Variants in DLG2 observed in about 807,000 individuals in gnomAD.
DLG2 encodes disks large homolog 2.
DLG2 carries 45 observed loss-of-function variants against 132.5 expected under a neutral mutation model. That is an observed-to-expected ratio of 0.34 (90% CI 0.27 to 0.44). The LOEUF (loss-of-function observed/expected upper bound fraction) is 0.44, where lower values mean the gene tolerates loss of function less well. Among genes scored for constraint, DLG2 ranks in the 20% least tolerant of loss-of-function variants. DLG2 has a pLI of 1.00. For missense variants in DLG2, 1,045 were observed against 1,196.9 expected (o/e 0.87, Z 1.87); for synonymous variants, 424 against 419.6 (o/e 1.01, Z -0.13).
intron 7 of DLG2, among the ~76,000 whole-genome samples, chr11:84,521,041 T>C (rs1035344243): frequency 6.6e-6 from 1 of 152,226 alleles, no homozygotes; most frequent in Non-Finnish European, 1.5e-5. Flanking sequence ...ATTTACATTT[T>C]CTTTTTACAA....
intron 7 of DLG2, among the ~76,000 whole-genome samples, chr11:84,520,342 C>A (rs1172962177): frequency 6.6e-6 from 1 of 152,284 alleles, no homozygotes; most frequent in East Asian, 1.9e-4. Context: ...TCCCATTTGA[C>A]ATGGTTTTAA....
At chr11:84,711,248 C>A (rs2060378217) in intron 6 of DLG2, among the ~76,000 whole-genome samples, 1 of 148,918 alleles carries the variant, frequency 6.7e-6, no homozygotes, top group Admixed American at 6.8e-5. Context: ...ACAAGAATGG[C>A]CAATTAGTGA....
chr11:84,884,119 T>G (rs2087824053), intron 6 of DLG2, among the ~76,000 whole-genome samples: 1 of 152,066 alleles, frequency 6.6e-6, no homozygotes, highest in Non-Finnish European at 1.5e-5. Context: ...TCACCCAAAG[T>G]CAAAACACAA....
At chr11:84,166,300 G>C (rs1034693503) in intron 8 of DLG2, among the ~76,000 whole-genome samples, 7 of 151,972 alleles carry the variant, frequency 4.6e-5, no homozygotes, top group Middle Eastern at 3.2e-3. Context: ...TCAGGAGATC[G>C]ATAACATCCT....
Position 84,395,350 on chromosome 11 carries a change from G to A in DLG2, c.519+139220C>T, listed in dbSNP as rs954634463. 2.6e-5 allele frequency among the ~76,000 whole-genome samples: 4 copies of A among 152,010 alleles called. No homozygotes were observed. The East Asian group carries it at 7.7e-4, about 29-fold the overall frequency. On this transcript the variant is annotated intron_variant, in intron 7 of 27. Transcript: ENST00000376104. ...TCATTTGGTTGCAAATGCTGTCAGG[G>A]CAGAAGGGGCCTTAGTGCGACACCA... is the stretch of plus-strand genomic sequence containing the variant.
At chr11:84,018,123 T>C (rs1049387926) in intron 11 of DLG2, among the ~76,000 whole-genome samples, 1 of 151,978 alleles carries the variant, frequency 6.6e-6, no homozygotes, top group Non-Finnish European at 1.5e-5. Flanking sequence ...TAATTTTTTT[T>C]CTTTTCTTTT....
At chr11:85,606,233 G>A (rs910071598) in intron 2 of DLG2, among the ~76,000 whole-genome samples, 1 of 152,108 alleles carries the variant, frequency 6.6e-6, no homozygotes, top group Non-Finnish European at 1.5e-5. Context: ...ATACAAAATT[G>A]AATGATCACA....
intron 18 of DLG2, among the ~76,000 whole-genome samples, chr11:83,677,820 G>A (rs1483356655): frequency 6.6e-6 from 1 of 152,114 alleles, no homozygotes; most frequent in African/African-American, 2.4e-5. Flanking sequence ...GGAACTATTG[G>A]GAGAATGATG....
At chr11:83,657,138 G>C (rs149440654) in intron 18 of DLG2, among the ~76,000 whole-genome samples, 2 of 152,148 alleles carry the variant, frequency 1.3e-5, no homozygotes, top group Non-Finnish European at 2.9e-5. Flanking sequence ...GTCTTATTCT[G>C]TCTGTAATTT....
chr11:84,201,276 T>C (rs2096588940), intron 8 of DLG2, among the ~76,000 whole-genome samples: 1 of 152,202 alleles, frequency 6.6e-6, no homozygotes, highest in Admixed American at 6.5e-5. Context: ...GAACCAATCT[T>C]TTACCCCAGG....
At chr11:85,083,620 G>A (rs909268881) in intron 6 of DLG2, among the ~76,000 whole-genome samples, 4 of 152,040 alleles carry the variant, frequency 2.6e-5, no homozygotes, top group South Asian at 2.1e-4. Context: ...CTCAAAGTTC[G>A]GCAGGGGGGC....
At chr11:83,941,274 A>T (rs2082595165) in intron 14 of DLG2, among the ~76,000 whole-genome samples, 1 of 140,850 alleles carries the variant, frequency 7.1e-6, no homozygotes, top group Non-Finnish European at 1.7e-5. Flanking sequence ...GTTCCCATGC[A>T]TTGCTAGTAA....
chr11:85,250,411 C>T (rs2076341401), intron 4 of DLG2, among the ~76,000 whole-genome samples: 3 of 152,028 alleles, frequency 2.0e-5, no homozygotes, highest in Admixed American at 2.0e-4. Flanking sequence ...GTATGCCTGC[C>T]TCAAAATTTG....
At chr11:84,078,700 T>A (rs1055328203) in intron 10 of DLG2, among the ~76,000 whole-genome samples, 1 of 152,196 alleles carries the variant, frequency 6.6e-6, no homozygotes, top group African/African-American at 2.4e-5. Flanking sequence ...TTTAGAAAGC[T>A]CTGCTCTAAC....
intron 3 of DLG2, among the ~76,000 whole-genome samples, chr11:85,305,472 C>A (rs2079875544): frequency 6.6e-6 from 1 of 152,140 alleles, no homozygotes; most frequent in African/African-American, 2.4e-5. Context: ...AGTGGTTATC[C>A]AGAGAATCTG....
chr11:85,203,445 G>A (rs979724928), intron 4 of DLG2, among the ~76,000 whole-genome samples: 8 of 151,932 alleles, frequency 5.3e-5, no homozygotes, highest in Admixed American at 2.0e-4. Context: ...AAACCTAGAA[G>A]AAATTAGTGA....
At chr11:84,115,063 G>A (rs532996199) in intron 9 of DLG2, among the ~76,000 whole-genome samples, 132 of 152,210 alleles carry the variant, frequency 8.7e-4, no homozygotes, top group Non-Finnish European at 1.5e-3. Context: ...TTAAATGCAA[G>A]GCCCATTGGC....
chr11:84,799,053 G>A (rs976499021), intron 6 of DLG2, among the ~76,000 whole-genome samples: 11 of 152,154 alleles, frequency 7.2e-5, no homozygotes, highest in Non-Finnish European at 1.5e-4. Context: ...AGTACTCCCT[G>A]AGCCATCCCA....
chr11:83,702,651 G>A (rs1408898417), intron 18 of DLG2, among the ~76,000 whole-genome samples: 2 of 152,210 alleles, frequency 1.3e-5, no homozygotes, highest in African/African-American at 4.8e-5. Context: ...CCCAGAGAAA[G>A]CTCTAATTCC....
Sources: gnomAD v4.1 joint callset for allele counts (sites outside exome capture counted in the v4.1 genomes callset) on GRCh38, gnomAD v4.1.1 for gene constraint, MANE v1.5 for transcripts, NCBI Gene and HGNC (gene_info 2026-07-23, HGNC 2026-07-21) for gene names.